Variants in PDE3B observed in about 807,000 individuals in gnomAD.
The protein encoded by PDE3B is cGMP-inhibited 3',5'-cyclic phosphodiesterase 3B.
Under a neutral mutation model 116.8 loss-of-function variants are expected in PDE3B, and 66 were observed. The ratio of observed to expected loss-of-function variants is 0.56; its 90% CI spans 0.46 to 0.69. PDE3B has a LOEUF of 0.69. Ranked by LOEUF, PDE3B falls within the 30% of genes least tolerant of loss-of-function variation. The pLI, the probability that PDE3B is intolerant of heterozygous loss-of-function variation, is 0.00. For missense variants in PDE3B, 1,384 were observed against 1,368.1 expected (o/e 1.01, Z -0.18); for synonymous variants, 595 against 533.6 (o/e 1.12, Z -1.59).
intron 1 of PDE3B, among the ~76,000 whole-genome samples, chr11:14,681,800 A>G (rs544509469): frequency 1.3e-5 from 2 of 152,210 alleles, no homozygotes; most frequent in South Asian, 2.1e-4. Flanking sequence ...AGCATTTTTC[A>G]TAGAGTTCTT....
intron 4 of PDE3B, among the ~76,000 whole-genome samples, chr11:14,797,936 C>T (rs1243424451): frequency 3.3e-5 from 5 of 152,018 alleles, no homozygotes; most frequent in Non-Finnish European, 7.4e-5. Flanking sequence ...TTCTCTTGCC[C>T]GATTGCCCTG....
At position 14,644,324 on chromosome 11, in the gene PDE3B, C is replaced by CGCCCT; in HGVS notation, c.251_255dup (p.Ala86ProfsTer29). On this transcript the variant is annotated frameshift_variant, in exon 1 of 16. Transcript: ENST00000282096. LOFTEE classifies it high-confidence loss of function. Reference sequence around the variant, plus strand: ...TCTGCCGGGCGCGCCTCTCGCTGGGCGCCCTGGCTGCCTTTGTCCTCGCCC... The same window carrying CGCCCT: ...TCTGCCGGGCGCGCCTCTCGCTGGGCGCCCTGCCCTGGCTGCCTTTGTCCTCGCCC... 1 of 1,570,098 alleles carries CGCCCT rather than the reference C, an allele frequency of 6.4e-7. No homozygotes were observed. Among genetic ancestry groups the CGCCCT allele is most frequent in the Non-Finnish European group, 8.6e-7 (1 of 1,163,586 alleles).
chr11:14,782,964 A>G (rs1231579679), intron 2 of PDE3B, among the ~76,000 whole-genome samples: 4 of 152,258 alleles, frequency 2.6e-5, no homozygotes, highest in African/African-American at 9.6e-5. Flanking sequence ...ATATGAACAG[A>G]CACTTCTCGA....
At chr11:14,658,051 A>G (rs1853768672) in intron 1 of PDE3B, among the ~76,000 whole-genome samples, 1 of 152,214 alleles carries the variant, frequency 6.6e-6, no homozygotes, top group Non-Finnish European at 1.5e-5. Flanking sequence ...GAGCCTATCC[A>G]TGGAGAAGCA....
At chr11:14,845,303 A>C (rs1480974067) in intron 12 of PDE3B, among the ~76,000 whole-genome samples, 13 of 152,022 alleles carry the variant, frequency 8.6e-5, no homozygotes, top group Admixed American at 8.5e-4. Context: ...GAAAACTAAC[A>C]AACAGAAAGG....
At chr11:14,853,048 C>A (rs1414838199) in intron 12 of PDE3B, among the ~76,000 whole-genome samples, 1 of 149,492 alleles carries the variant, frequency 6.7e-6, no homozygotes, top group Non-Finnish European at 1.5e-5. Flanking sequence ...AGTCTAGTCT[C>A]ACTGGCTTCC....
At position 14,831,917 on chromosome 11, in the gene PDE3B, A is replaced by G; in HGVS notation, c.2094+140A>G. On this transcript the variant is annotated intron_variant, in intron 9 of 15. Coordinates refer to ENST00000282096, the MANE Select transcript of PDE3B (RefSeq NM_000922.4). ...TTATTTTTTTCAGAAAAAAATAAAT[A>G]TATACATAAAACAATTATATATAAG... is the stretch of plus-strand genomic sequence containing the variant. The G allele has an allele frequency of 9.5e-6, 5 of 524,618 alleles. No homozygotes were observed. The South Asian group carries it at 1.3e-4, about 13-fold the overall frequency. The allele number at this position is 524,618 out of a possible 1,614,324, so 32.5% of individuals were successfully genotyped here.
intron 2 of PDE3B, chr11:14,773,653 A>G (rs941150064): frequency 6.6e-6 from 1 of 152,122 alleles, no homozygotes; most frequent in African/African-American, 2.4e-5. Flanking sequence ...AATTTCTTTA[A>G]TAGTTTTAGT....
intron 1 of PDE3B, among the ~76,000 whole-genome samples, chr11:14,742,205 C>T (rs1228639157): frequency 6.6e-6 from 1 of 152,176 alleles, no homozygotes; most frequent in Non-Finnish European, 1.5e-5. Context: ...GTTCCATTCT[C>T]CCTGTCACTT....
At chr11:14,761,363 A>G (rs1447578772) in intron 1 of PDE3B, among the ~76,000 whole-genome samples, 1 of 152,168 alleles carries the variant, frequency 6.6e-6, no homozygotes, top group African/African-American at 2.4e-5. Flanking sequence ...CAGTTTAGAT[A>G]GGATTACTTG....
intron 1 of PDE3B, among the ~76,000 whole-genome samples, chr11:14,709,119 A>G (rs1226001800): frequency 1.3e-5 from 2 of 152,090 alleles, no homozygotes; most frequent in East Asian, 3.9e-4. Flanking sequence ...TAGAGGTAGA[A>G]AAGATTAGTG....
intron 1 of PDE3B, among the ~76,000 whole-genome samples, chr11:14,673,342 A>C (rs1854430278): frequency 6.6e-6 from 1 of 152,128 alleles, no homozygotes; most frequent in Non-Finnish European, 1.5e-5. Flanking sequence ...CTAGGCAGTA[A>C]AACACTCTAC....
intron 1 of PDE3B, among the ~76,000 whole-genome samples, chr11:14,649,497 C>CT (rs1853503856): frequency 6.6e-6 from 1 of 152,144 alleles, no homozygotes; most frequent in African/African-American, 2.4e-5. Context: ...TCCTAGTCCA[C>CT]TTTTACTTTC....
intron 1 of PDE3B, among the ~76,000 whole-genome samples, chr11:14,655,297 A>T (rs1271549631): frequency 6.6e-6 from 1 of 152,218 alleles, no homozygotes; most frequent in Non-Finnish European, 1.5e-5. Flanking sequence ...TTAAAATTGT[A>T]GATACCTAAT....
chr11:14,877,916 G>T, the PDE3B span: 3 of 568,808 alleles, frequency 5.3e-6, no homozygotes, highest in East Asian at 8.9e-5. Context: ...TCTCAACAGA[G>T]AATTTTACCC....
intron 11 of PDE3B, among the ~76,000 whole-genome samples, chr11:14,837,241 C>G (rs993017784): frequency 3.9e-5 from 6 of 152,226 alleles, no homozygotes; most frequent in Non-Finnish European, 8.8e-5. Context: ...GCAGAACACA[C>G]TTAACTGACA....
chr11:14,826,166 TAGAG>T (rs773471687), intron 7 of PDE3B, among the ~76,000 whole-genome samples: 9 of 152,018 alleles, frequency 5.9e-5, no homozygotes, highest in Non-Finnish European at 1.3e-4. Context: ...ATCAAAAATT[TAGAG>T]AGATCCCAAA....
intron 4 of PDE3B, among the ~76,000 whole-genome samples, chr11:14,795,296 G>A (rs924682484): frequency 1.3e-5 from 2 of 152,134 alleles, no homozygotes; most frequent in African/African-American, 4.8e-5. Context: ...ATCCTCAGGA[G>A]TTTAGGAGTT....
chr11:14,791,219 T>C (rs1858377719), intron 4 of PDE3B, among the ~76,000 whole-genome samples: 1 of 152,136 alleles, frequency 6.6e-6, no homozygotes, highest in Admixed American at 6.6e-5. Context: ...CTTATGACTC[T>C]GAAATCATCT....
Sources: gnomAD v4.1 joint callset for allele counts (sites outside exome capture counted in the v4.1 genomes callset) on GRCh38, gnomAD v4.1.1 for gene constraint, MANE v1.5 for transcripts, NCBI Gene and HGNC (gene_info 2026-07-23, HGNC 2026-07-21) for gene names.